Variants in WDR27 observed in about 807,000 individuals in gnomAD.
The protein encoded by WDR27 is WD repeat-containing protein 27.
Under a neutral mutation model 114.4 loss-of-function variants are expected in WDR27, and 100 were observed. That is an observed-to-expected ratio of 0.87 (90% CI 0.74 to 1.03). The LOEUF (loss-of-function observed/expected upper bound fraction) is 1.03, where lower values mean the gene tolerates loss of function less well. Ranked by LOEUF, WDR27 falls within the 50% of genes least tolerant of loss-of-function variation. WDR27 has a pLI of 0.00. For missense variants in WDR27, 1,129 were observed against 1,092.9 expected, an observed-to-expected ratio of 1.03 and a Z score of -0.47; for synonymous variants, 449 against 423.1, an observed-to-expected ratio of 1.06 and a Z score of -0.75.
chr6:169,668,317 A>T (rs574652039), intron 4 of WDR27, 132 bp from the exon 5 acceptor site: 1 of 860,476 alleles, frequency 1.2e-6, no homozygotes, highest in Non-Finnish European at 1.8e-6. Context: ...CAGTGTTAAA[A>T]GCCGACACTG....
chr6:169,469,942 C>T (rs1786128010), intron 25 of WDR27, among the ~76,000 whole-genome samples: 1 of 152,142 alleles, frequency 6.6e-6, no homozygotes. Flanking sequence ...TATTTTTTGC[C>T]ATACTGATAG....
At chr6:169,645,520 T>C (rs1357367807) in intron 16 of WDR27, among the ~76,000 whole-genome samples, 1 of 151,346 alleles carries the variant, frequency 6.6e-6, no homozygotes, top group African/African-American at 2.4e-5. Flanking sequence ...GGTCACACTG[T>C]AGAAAATCCT....
intron 25 of WDR27, among the ~76,000 whole-genome samples, chr6:169,460,946 G>T (rs1784831491): frequency 6.6e-6 from 1 of 151,166 alleles, no homozygotes; most frequent in African/African-American, 2.4e-5. Context: ...CTTTTGAATG[G>T]AATGGTGATC....
At chr6:169,652,125 C>G in intron 13 of WDR27, 117 bp from the exon 14 acceptor site, 1 of 871,024 alleles carries the variant, frequency 1.1e-6, no homozygotes, top group Non-Finnish European at 1.7e-6. Context: ...GAATGAATTC[C>G]TGACCATAAA....
chr6:169,677,997 G>A (rs898893511), intron 2 of WDR27, among the ~76,000 whole-genome samples: 1 of 152,254 alleles, frequency 6.6e-6, no homozygotes, highest in Non-Finnish European at 1.5e-5. Context: ...GAAGCCTGCT[G>A]CAGGAGTGGA....
intron 25 of WDR27, among the ~76,000 whole-genome samples, chr6:169,554,739 G>A (rs908215825): frequency 1.3e-5 from 2 of 152,120 alleles, no homozygotes; most frequent in African/African-American, 4.8e-5. Context: ...GGGATTCGCT[G>A]TACTTTCCCC....
At chr6:169,446,708 A>G in the WDR27 span, among the ~76,000 whole-genome samples, 1 of 152,244 alleles carries the variant, frequency 6.6e-6, no homozygotes, top group African/African-American at 2.4e-5. Context: ...TGTTCTTACA[A>G]ACATAACTCT....
At chr6:169,488,451 C>G (rs182908180) in intron 25 of WDR27, among the ~76,000 whole-genome samples, 75 of 152,296 alleles carry the variant, frequency 4.9e-4, no homozygotes, top group Middle Eastern at 3.4e-3. Flanking sequence ...CATGTCTTAT[C>G]CAAGTTCTTC....
At chr6:169,679,913 A>G (rs1420772035) in intron 2 of WDR27, among the ~76,000 whole-genome samples, 4 of 152,252 alleles carry the variant, frequency 2.6e-5, no homozygotes, top group Non-Finnish European at 4.4e-5. Context: ...GGAAGTTTTA[A>G]AGGCAGCCAG....
chr6:169,624,268 C>T (rs1017191456), intron 21 of WDR27, among the ~76,000 whole-genome samples: 13 of 148,604 alleles, frequency 8.7e-5, no homozygotes, highest in Non-Finnish European at 1.5e-5. Flanking sequence ...CAGTGTGTGG[C>T]GTGTGGTGTC....
intron 25 of WDR27, among the ~76,000 whole-genome samples, chr6:169,545,597 G>A (rs1378994657): frequency 6.6e-6 from 1 of 152,146 alleles, no homozygotes; most frequent in Non-Finnish European, 1.5e-5. Flanking sequence ...AGGATCACTT[G>A]AGTCTGGGAG....
At chr6:169,698,349 G>C (rs1786818373) in intron 1 of WDR27, among the ~76,000 whole-genome samples, 1 of 152,164 alleles carries the variant, frequency 6.6e-6, no homozygotes, top group East Asian at 1.9e-4. Flanking sequence ...TGGCAGGGTG[G>C]TACAGACAGG....
At chr6:169,488,769 G>A (rs769204711) in intron 25 of WDR27, among the ~76,000 whole-genome samples, 4 of 152,098 alleles carry the variant, frequency 2.6e-5, no homozygotes, top group Admixed American at 6.5e-5. Context: ...ACACAGACTC[G>A]CAAGCCAGAG....
intron 18 of WDR27, 68 bp downstream of exon 18, chr6:169,638,471 T>C (rs915766657): frequency 6.4e-7 from 1 of 1,569,290 alleles, no homozygotes; most frequent in Admixed American, 1.8e-5. Context: ...GGTAAAAGAA[T>C]GAGACTTTTG....
chr6:169,537,145 TG>T (rs1796284706), intron 25 of WDR27, among the ~76,000 whole-genome samples: 1 of 152,176 alleles, frequency 6.6e-6, no homozygotes, highest in Non-Finnish European at 1.5e-5. Context: ...AAGTGCCCCT[TG>T]GTATTCCTAG....
intron 1 of WDR27, 129 bp from the exon 2 acceptor site, chr6:169,689,141 C>G: frequency 1.9e-6 from 1 of 538,100 alleles, no homozygotes; most frequent in East Asian, 3.3e-5. Context: ...TTATTCACCT[C>G]TCCTCATCCC....
Position 169,457,440 on chromosome 6 carries a change from G to A in WDR27, c.*152C>T. On this transcript the variant is annotated 3_prime_UTR_variant, in exon 26 of 26. Transcript: ENST00000448612. ...CTGACATGGCACACACAGAGGGGAG[G>A]AGCTTGCAAACGGGGGAAATCTGAG... 3.4e-6 allele frequency: 2 copies of A among 590,044 alleles called. No individual in the cohort carries two copies. Among genetic ancestry groups the A allele is most frequent in the Admixed American group, 3.3e-5 (1 of 30,454 alleles). 36.6% of individuals were successfully genotyped at this position (590,044 alleles called of 1,614,324 possible). A position where few individuals can be genotyped will look rare whatever the true frequency, so the allele number is the denominator to read the frequency against.
Position 169,457,521 on chromosome 6 carries a change from C to A in WDR27, c.*71G>T. ...GCTTCTGGCCCCCTGATGGATGAAC[C>A]ACTACTTCTTACTTTTAAGTTGTTC... On this transcript the variant is annotated 3_prime_UTR_variant, in exon 26 of 26. Transcript: ENST00000448612. The A allele has an allele frequency of 7.4e-7, 1 of 1,355,836 alleles. No individual in the cohort carries two copies. The highest frequency in any genetic ancestry group is 1.4e-5 in the South Asian group (1 of 72,774). 84.0% of individuals were successfully genotyped at this position (1,355,836 alleles called of 1,614,324 possible). A position where few individuals can be genotyped will look rare whatever the true frequency, so the allele number is the denominator to read the frequency against.
At position 169,664,892 on chromosome 6, in the gene WDR27, C is replaced by A. The variant is rs113453921; in HGVS notation, c.783+594G>T. ...ACAGGAGCCGTCCAGGGCGCCTCTC[C>A]GGGGCGCGGGCAGCGTGCGGGCACG... On this transcript the variant is annotated intron_variant, in intron 7 of 25. Transcript: ENST00000448612. 1.1e-5 allele frequency: 11 copies of A among 978,016 alleles called. No homozygotes were observed. In the African/African-American group the frequency reaches 2.0e-4, roughly 18 times the overall value. 60.6% of individuals were successfully genotyped at this position (978,016 alleles called of 1,614,324 possible). A position where few individuals can be genotyped will look rare whatever the true frequency, so the allele number is the denominator to read the frequency against.
Sources: allele counts gnomAD v4.1 joint callset (sites outside exome capture counted in the v4.1 genomes callset), GRCh38; gene constraint gnomAD v4.1.1; transcripts MANE v1.5; gene names NCBI Gene and HGNC (gene_info 2026-07-23, HGNC 2026-07-21).